FAF1: variants seen among roughly 807,000 people sequenced by gnomAD.
FAF1 encodes FAS-associated factor 1.
FAF1 carries 25 observed loss-of-function variants against 92.5 expected under a neutral mutation model. The ratio of observed to expected loss-of-function variants is 0.27; its 90% CI spans 0.20 to 0.38. The LOEUF (loss-of-function observed/expected upper bound fraction) is 0.38. Among genes scored for constraint, FAF1 ranks in the 10% least tolerant of loss-of-function variants. The pLI is 1.00. For missense variants in FAF1, 636 were observed against 793.3 expected, an observed-to-expected ratio of 0.80 and a Z score of 2.38; for synonymous variants, 234 against 273.2, an observed-to-expected ratio of 0.86 and a Z score of 1.42.
chr1:50,899,986 A>G (rs1644783878), intron 1 of FAF1, among the ~76,000 whole-genome samples: 1 of 152,196 alleles, frequency 6.6e-6, no homozygotes, highest in African/African-American at 2.4e-5. Flanking sequence ...GAAATAGTCT[A>G]TGCTTTGTGT....
intron 4 of FAF1, among the ~76,000 whole-genome samples, chr1:50,761,849 CAGG>C (rs1660341235): frequency 6.6e-6 from 1 of 152,070 alleles, no homozygotes; most frequent in Non-Finnish European, 1.5e-5. Context: ...GGCAATTAGG[CAGG>C]AGAAGGAAAT....
At chr1:50,642,217 A>AC (rs1370181633) in intron 8 of FAF1, among the ~76,000 whole-genome samples, 1 of 151,284 alleles carries the variant, frequency 6.6e-6, no homozygotes, top group Non-Finnish European at 1.5e-5. Flanking sequence ...AAAAAAAAAA[A>AC]AAAAAATCCT....
intron 15 of FAF1, among the ~76,000 whole-genome samples, chr1:50,521,950 T>C (rs946983396): frequency 6.6e-6 from 1 of 152,234 alleles, no homozygotes; most frequent in African/African-American, 2.4e-5. Context: ...ATCAGTTTCA[T>C]ATATGACAAT....
At chr1:50,729,058 A>ATTTTTT (rs1195852048) in intron 6 of FAF1, among the ~76,000 whole-genome samples, 775 of 70,094 alleles carry the variant, frequency 0.011, 20 homozygotes, top group Middle Eastern at 0.031. Flanking sequence ...ATATATATAT[A>ATTTTTT]TTTTTTTTTT....
intron 4 of FAF1, among the ~76,000 whole-genome samples, chr1:50,766,282 G>A (rs1341014137): frequency 1.3e-5 from 2 of 152,158 alleles, no homozygotes; most frequent in Non-Finnish European, 2.9e-5. Flanking sequence ...ATCATTCACT[G>A]CCTCCATTCA....
At chr1:50,632,481 G>A (rs1359063395) in intron 8 of FAF1, among the ~76,000 whole-genome samples, 1 of 151,940 alleles carries the variant, frequency 6.6e-6, no homozygotes, top group Non-Finnish European at 1.5e-5. Flanking sequence ...TTAGAAATTG[G>A]GAACACATCT....
chr1:50,589,018 A>C (rs1034569512), intron 9 of FAF1, among the ~76,000 whole-genome samples: 2 of 152,160 alleles, frequency 1.3e-5, no homozygotes, highest in African/African-American at 4.8e-5. Context: ...GAATTAGACT[A>C]TCTGTGTATA....
intron 15 of FAF1, among the ~76,000 whole-genome samples, chr1:50,511,750 G>GT (rs1454754976): frequency 6.6e-6 from 1 of 152,100 alleles, no homozygotes; most frequent in Non-Finnish European, 1.5e-5. Context: ...AATCCTTTGG[G>GT]TATATACCCA....
At chr1:50,566,411 G>A (rs1048045184) in intron 13 of FAF1, among the ~76,000 whole-genome samples, 1 of 152,020 alleles carries the variant, frequency 6.6e-6, no homozygotes, top group African/African-American at 2.4e-5. Context: ...GGGATGTTAC[G>A]GCCACATGTG....
At chr1:50,755,358 T>A (rs905679808) in intron 4 of FAF1, among the ~76,000 whole-genome samples, 10 of 152,138 alleles carry the variant, frequency 6.6e-5, no homozygotes. Flanking sequence ...CAAAATGATC[T>A]CCTTTGACTC....
chr1:50,556,489 C>T (rs1649588535), intron 13 of FAF1, among the ~76,000 whole-genome samples: 1 of 152,132 alleles, frequency 6.6e-6, no homozygotes, highest in East Asian at 1.9e-4. Context: ...CACCACTATA[C>T]AGTTCATCCA....
At chr1:50,708,221 G>A (rs1261389748) in intron 6 of FAF1, among the ~76,000 whole-genome samples, 2 of 152,340 alleles carry the variant, frequency 1.3e-5, no homozygotes, top group East Asian at 3.9e-4. Flanking sequence ...GGTAGGGAGA[G>A]CAGACAGGAG....
intron 7 of FAF1, among the ~76,000 whole-genome samples, chr1:50,659,287 G>A (rs1655268182): frequency 6.6e-6 from 1 of 151,726 alleles, no homozygotes; most frequent in Admixed American, 6.6e-5. Flanking sequence ...AAAGGGAAAA[G>A]GAGGAAAGAG....
At chr1:50,510,818 A>T (rs549008963) in intron 15 of FAF1, among the ~76,000 whole-genome samples, 71 of 152,294 alleles carry the variant, frequency 4.7e-4, no homozygotes, top group African/African-American at 1.7e-3. Flanking sequence ...TAGTCAGAAT[A>T]GAGATTACAT....
intron 2 of FAF1, among the ~76,000 whole-genome samples, chr1:50,819,107 G>T (rs747208870): frequency 7.2e-5 from 11 of 152,016 alleles, no homozygotes; most frequent in Non-Finnish European, 1.6e-4. Context: ...CCAGACTAGG[G>T]ATGCTCAACC....
intron 2 of FAF1, among the ~76,000 whole-genome samples, chr1:50,844,972 T>C (rs748935034): frequency 7.9e-5 from 12 of 152,146 alleles, no homozygotes; most frequent in Admixed American, 2.0e-4. Context: ...AAATAAAAGG[T>C]ACAGAAATGT....
chr1:50,589,721 G>A (rs1034806906), intron 9 of FAF1, among the ~76,000 whole-genome samples: 1 of 151,934 alleles, frequency 6.6e-6, no homozygotes, highest in Non-Finnish European at 1.5e-5. Context: ...TGTTACCTGT[G>A]CCATTAGTGT....
intron 15 of FAF1, 71 bp from the exon 16 acceptor site, chr1:50,491,872 T>C (rs1646842580): frequency 1.8e-6 from 2 of 1,126,516 alleles, no homozygotes; most frequent in African/African-American, 1.6e-5. Context: ...AAAAAACTAA[T>C]GGTAATCCCT....
intron 1 of FAF1, among the ~76,000 whole-genome samples, chr1:50,934,320 G>T (rs1645070289): frequency 6.6e-6 from 1 of 152,026 alleles, no homozygotes; most frequent in African/African-American, 2.4e-5. Flanking sequence ...GTCTTCTGTA[G>T]ATCCATATTT....
Sources: allele counts gnomAD v4.1 joint callset (sites outside exome capture counted in the v4.1 genomes callset), GRCh38; gene constraint gnomAD v4.1.1; transcripts MANE v1.5; gene names NCBI Gene and HGNC (gene_info 2026-07-23, HGNC 2026-07-21).